HOXB3: variants seen among roughly 807,000 people sequenced by gnomAD.
HOXB3 encodes the protein homeobox protein Hox-B3.
A neutral mutation model predicts 29.2 loss-of-function variants in HOXB3; 17 were observed. The ratio of observed to expected loss-of-function variants is 0.58; its 90% CI spans 0.40 to 0.87. The LOEUF (loss-of-function observed/expected upper bound fraction) is 0.87, where lower values mean the gene tolerates loss of function less well. HOXB3 is among the 40% of genes least tolerant of loss of function. The pLI is 0.00. For synonymous variants in HOXB3, 317 were observed against 285.9 expected (o/e 1.11, Z -1.10); for missense variants, 637 against 616.3 (o/e 1.03, Z -0.35).
At chr17:48,581,570 T>A (rs2069939399) in intron 1 of HOXB3, 1 of 142,832 alleles carries the variant, frequency 7.0e-6, no homozygotes, top group African/African-American at 2.7e-5. Flanking sequence ...ACCCCATACC[T>A]CCTGTCCTTC....
Position 48,573,844 on chromosome 17 carries a change from C to G in HOXB3, c.-254G>C, listed in dbSNP as rs1287295071. 1.9e-5 allele frequency: 13 copies of G among 702,142 alleles called. No homozygotes were observed. The highest frequency in any genetic ancestry group is 8.0e-5 in the Admixed American group (4 of 49,980). 43.5% of individuals were successfully genotyped at this position (702,142 alleles called of 1,614,324 possible). A position where few individuals can be genotyped will look rare whatever the true frequency, so the allele number is the denominator to read the frequency against. ...GGGCCCGGGCTTTGTTACCTTTGCGCCTCTCGCCTCCTCTCGCCCGAACTC... is the reference window on the plus strand; with the variant it reads ...GGGCCCGGGCTTTGTTACCTTTGCGGCTCTCGCCTCCTCTCGCCCGAACTC... On this transcript the variant is annotated 5_prime_UTR_variant, in exon 2 of 5. Transcript: ENST00000498678.
In HOXB3 at chr17:48,550,075, G is replaced by GC; in HGVS notation, c.*258dup. 2.1e-6 allele frequency: 1 copy of GC among 469,834 alleles called. No homozygotes were observed. The highest frequency in any genetic ancestry group is 2.6e-5 in the South Asian group (1 of 39,052). The allele number at this position is 469,834 out of a possible 1,614,324, so 29.1% of individuals were successfully genotyped here. On this transcript the variant is annotated 3_prime_UTR_variant, in exon 5 of 5. Coordinates refer to ENST00000498678, the MANE Select transcript of HOXB3 (RefSeq NM_001384749.1). ...GGAATTCCAACTTGGTAGTGCTGGA[G>GC]CCCTGGGGTTGATGGGGTCATCTCC... is the stretch of plus-strand genomic sequence containing the variant.
At chr17:48,569,085 G>A (rs1204494021) in intron 2 of HOXB3, among the ~76,000 whole-genome samples, 1 of 150,464 alleles carries the variant, frequency 6.6e-6, no homozygotes, top group African/African-American at 2.4e-5. Context: ...TTTTTCTCGG[G>A]GTACAGGCTT....
chr17:48,550,291 C>T lies in HOXB3; in HGVS notation c.*43G>A, dbSNP rs762436735. 9 of 1,611,998 alleles carry T rather than the reference C, an allele frequency of 5.6e-6. No individual in the cohort carries two copies. The highest frequency in any genetic ancestry group is 5.3e-5 in the African/African-American group (4 of 74,910). On this transcript the variant is annotated 3_prime_UTR_variant, in exon 5 of 5. Coordinates refer to ENST00000498678, the MANE Select transcript of HOXB3 (RefSeq NM_001384749.1). Reference sequence around the variant, plus strand: ...GTTGCCCCCCAGAGCTCCACAGTCTCTCTCTTCCTCCCCATCCCCTAATCC... The same window carrying T: ...GTTGCCCCCCAGAGCTCCACAGTCTTTCTCTTCCTCCCCATCCCCTAATCC...
chr17:48,590,073 T>C (rs1567968275), intron 1 of HOXB3, 52 bp downstream of exon 1: 1 of 152,142 alleles, frequency 6.6e-6, no homozygotes, highest in Non-Finnish European at 1.5e-5. Flanking sequence ...CTTCCCCCAG[T>C]CCCAGGCCCC....
At chr17:48,570,979 A>G (rs1467750192) in intron 2 of HOXB3, among the ~76,000 whole-genome samples, 2 of 152,208 alleles carry the variant, frequency 1.3e-5, no homozygotes, top group African/African-American at 4.8e-5. Flanking sequence ...GAAATGCTGG[A>G]TGTGGGAAGA....
At chr17:48,569,907 G>C (rs2069526690) in intron 2 of HOXB3, among the ~76,000 whole-genome samples, 2 of 152,126 alleles carry the variant, frequency 1.3e-5, no homozygotes, top group Admixed American at 1.3e-4. Context: ...AATCAAATGC[G>C]ACTGACCGTT....
At chr17:48,570,078 A>G (rs1333790459) in intron 2 of HOXB3, among the ~76,000 whole-genome samples, 2 of 152,126 alleles carry the variant, frequency 1.3e-5, no homozygotes, top group Non-Finnish European at 2.9e-5. Context: ...AGGAGGGAAA[A>G]GAAAAGAAAA....
intron 2 of HOXB3, among the ~76,000 whole-genome samples, chr17:48,566,220 T>C (rs1413569646): frequency 6.6e-6 from 1 of 152,124 alleles, no homozygotes; most frequent in Admixed American, 6.5e-5. Flanking sequence ...AATGTATATA[T>C]AAACAACAAA....
chr17:48,576,115 G>C (rs1461987220), intron 1 of HOXB3: 3 of 152,648 alleles, frequency 2.0e-5, no homozygotes, highest in Non-Finnish European at 4.4e-5. Flanking sequence ...GAGAGTGTGT[G>C]TGTGTTACCG....
intron 2 of HOXB3, among the ~76,000 whole-genome samples, chr17:48,560,734 G>A (rs570194358): frequency 3.3e-5 from 5 of 152,304 alleles, no homozygotes; most frequent in Non-Finnish European, 5.9e-5. Context: ...CACCATGCAG[G>A]CCTTCTGTCC....
intron 1 of HOXB3, chr17:48,580,153 G>C: frequency 3.6e-6 from 1 of 276,276 alleles, no homozygotes; most frequent in Non-Finnish European, 7.1e-6. Flanking sequence ...GCAAAGGGAC[G>C]AGAACCTTGC....
chr17:48,586,450 TGCG>T (rs2070048167), intron 1 of HOXB3, among the ~76,000 whole-genome samples: 1 of 152,164 alleles, frequency 6.6e-6, no homozygotes, highest in Non-Finnish European at 1.5e-5. Context: ...CGGAGGTGGC[TGCG>T]GCGGTGTGGC....
chr17:48,567,852 G>T (rs370266232), intron 2 of HOXB3, among the ~76,000 whole-genome samples: 1 of 152,198 alleles, frequency 6.6e-6, no homozygotes, highest in African/African-American at 2.4e-5. Context: ...CTCCTGGGGT[G>T]TGAATTCATT....
rs1379321065 is a variant in HOXB3, at chr17:48,548,928, A to G, written c.*1406T>C. The G allele has an allele frequency of 6.6e-6, 1 of 152,650 alleles. No homozygotes were observed. Among genetic ancestry groups the G allele is most frequent in the Non-Finnish European group, 1.5e-5 (1 of 68,052 alleles). 9.5% of individuals were successfully genotyped at this position (152,650 alleles called of 1,614,324 possible). ...GTTTGACAGACAACCCTTTTAGGTA[A>G]GGAAAAAAGTAACTACTGAAGAACA... On this transcript the variant is annotated 3_prime_UTR_variant, in exon 5 of 5. Transcript: ENST00000498678.
chr17:48,553,570 A>G (rs2068848375), intron 3 of HOXB3: 2 of 151,966 alleles, frequency 1.3e-5, no homozygotes, highest in African/African-American at 4.8e-5. Flanking sequence ...AGACTTTTCT[A>G]CTGAGACGGG....
chr17:48,550,072 G>C lies in HOXB3; in HGVS notation c.*262C>G. The C allele has an allele frequency of 2.2e-6, 1 of 451,954 alleles. No individual in the cohort carries two copies. The allele number at this position is 451,954 out of a possible 1,614,324, so 28.0% of individuals were successfully genotyped here. ...CGTGGAATTCCAACTTGGTAGTGCT[G>C]GAGCCCTGGGGTTGATGGGGTCATC... On this transcript the variant is annotated 3_prime_UTR_variant, in exon 5 of 5. Coordinates refer to ENST00000498678, the MANE Select transcript of HOXB3 (RefSeq NM_001384749.1).
chr17:48,586,049 G>C (rs2070039817), intron 1 of HOXB3, among the ~76,000 whole-genome samples: 1 of 152,240 alleles, frequency 6.6e-6, no homozygotes, highest in South Asian at 2.1e-4. Context: ...CTCCGAAGCC[G>C]CAAGGCTCAG....
intron 2 of HOXB3, among the ~76,000 whole-genome samples, chr17:48,569,103 A>G (rs1291252619): frequency 2.7e-5 from 4 of 150,438 alleles, no homozygotes; most frequent in African/African-American, 4.9e-5. Flanking sequence ...CTTGTTTTTC[A>G]AAGGACAGTT....
Sources: allele counts gnomAD v4.1 joint callset (sites outside exome capture counted in the v4.1 genomes callset), GRCh38; gene constraint gnomAD v4.1.1; transcripts MANE v1.5; gene names NCBI Gene and HGNC (gene_info 2026-07-23, HGNC 2026-07-21).